The following THAP12 variants were observed in gnomAD, a reference collection of about 807,000 sequenced individuals.
The protein encoded by THAP12 is THAP domain containing 12, also known as 52 kDa repressor of the inhibitor of the protein kinase.
Under a neutral mutation model 63.0 loss-of-function variants are expected in THAP12, and 20 were observed. The observed-to-expected ratio is 0.32, with a 90% CI of 0.22 to 0.46. The LOEUF is 0.46. THAP12 is among the 20% of genes least tolerant of loss of function. THAP12 has a pLI of 1.00. For missense variants in THAP12, 568 were observed against 908.2 expected, an observed-to-expected ratio of 0.63 and a Z score of 4.81; for synonymous variants, 264 against 328.4, an observed-to-expected ratio of 0.80 and a Z score of 2.12.
Position 76,351,712 on chromosome 11 carries a change from T to C in THAP12, c.1438A>G (p.Ile480Val). 3 of 1,604,304 alleles carry C rather than the reference T, an allele frequency of 1.9e-6. No homozygotes were observed. The highest frequency in any genetic ancestry group is 2.6e-6 in the Non-Finnish European group (3 of 1,176,418). ...TTTTTAAGAACAACAATAGTAACAA[T>C]GAAATCAAAATCTGACACTGCACTG... ...LCSAVSDFDF[I>V]VTIVVLKNVL... is the part of the protein sequence containing the mutation. The change falls in exon 5 of 5, where the codon ATT becomes GTT. Residue 480 changes from isoleucine (I) to valine (V), a missense_variant. Ile to Val is a conservative substitution (Grantham distance 29, BLOSUM62 3). Transcript: ENST00000260045.
intron 4 of THAP12, among the ~76,000 whole-genome samples, chr11:76,355,191 G>A (rs1946552962): frequency 6.6e-6 from 1 of 152,242 alleles, no homozygotes; most frequent in Non-Finnish European, 1.5e-5. Flanking sequence ...AAAGGCTGTT[G>A]TGACCACTAC....
chr11:76,355,496 A>C, intron 4 of THAP12, 122 bp downstream of exon 4: 2 of 855,622 alleles, frequency 2.3e-6, no homozygotes, highest in Non-Finnish European at 1.7e-6. Flanking sequence ...GACAAAATTG[A>C]GCACACTCCT....
At chr11:76,365,204 C>A (rs529499410) in intron 2 of THAP12, among the ~76,000 whole-genome samples, 1 of 151,392 alleles carries the variant, frequency 6.6e-6, no homozygotes, top group Non-Finnish European at 1.5e-5. Flanking sequence ...ATCGCTTGAG[C>A]CCAGGAGGTG....
chr11:76,367,006 G>A (rs1946635764), intron 1 of THAP12, among the ~76,000 whole-genome samples: 1 of 151,902 alleles, frequency 6.6e-6, no homozygotes, highest in South Asian at 2.1e-4. Context: ...TCCCCCTTGT[G>A]CAGATGAAGG....
chr11:76,371,810 C>CTTTTTTT (rs71036086), intron 1 of THAP12, among the ~76,000 whole-genome samples: 7 of 65,758 alleles, frequency 1.1e-4, no homozygotes, highest in African/African-American at 4.2e-4. Context: ...TTTAACTTTT[C>CTTTTTTT]TTTTTTTTTT....
chr11:76,371,676 C>T (rs1232843928), intron 1 of THAP12, among the ~76,000 whole-genome samples: 2 of 151,792 alleles, frequency 1.3e-5, no homozygotes, highest in Non-Finnish European at 2.9e-5. Flanking sequence ...TGTACTGTCT[C>T]CTTAATCAAT....
At chr11:76,355,237 C>T (rs536093653) in intron 4 of THAP12, among the ~76,000 whole-genome samples, 6 of 152,310 alleles carry the variant, frequency 3.9e-5, no homozygotes, top group African/African-American at 1.4e-4. Context: ...AGCATTTAGT[C>T]CTTAAACATT....
At position 76,365,854 on chromosome 11, in the gene THAP12, T is replaced by C; in HGVS notation, c.208A>G (p.Thr70Ala). 1 of 1,612,136 alleles carries C rather than the reference T, an allele frequency of 6.2e-7. No homozygotes were observed. Residue 70 changes from threonine to alanine, a missense_variant and splice_region_variant, in exon 2 of 5, where the codon ACT becomes GCT. Thr to Ala is a moderately conservative substitution (Grantham distance 58). Transcript: ENST00000260045. ...CACCAAGCTCTTCTATTACTCACAG[T>C]TCTACAGATCATAGAGGTCTCAAAA... ...KHFETSMICR[T>A]SPYRTVLRDN...
chr11:76,367,054 G>C (rs772834593), intron 1 of THAP12, among the ~76,000 whole-genome samples: 9 of 151,654 alleles, frequency 5.9e-5, no homozygotes, highest in Non-Finnish European at 1.0e-4. Context: ...GTCACAACTA[G>C]ATCTTTCCTC....
intron 1 of THAP12, among the ~76,000 whole-genome samples, chr11:76,368,303 T>C (rs1250920760): frequency 6.6e-6 from 1 of 152,184 alleles, no homozygotes; most frequent in Non-Finnish European, 1.5e-5. Flanking sequence ...ATAATCTTTT[T>C]AAAGCAAACT....
intron 1 of THAP12, among the ~76,000 whole-genome samples, chr11:76,378,904 C>T (rs1015477493): frequency 1.3e-5 from 2 of 152,098 alleles, no homozygotes; most frequent in Non-Finnish European, 2.9e-5. Flanking sequence ...CCACCATGCC[C>T]GGCCTAGACA....
intron 1 of THAP12, among the ~76,000 whole-genome samples, chr11:76,370,963 C>G (rs1946670414): frequency 1.3e-5 from 2 of 151,322 alleles, no homozygotes; most frequent in African/African-American, 4.9e-5. Flanking sequence ...AAATTTTTAC[C>G]AATGCCTCCC....
intron 1 of THAP12, among the ~76,000 whole-genome samples, chr11:76,377,946 G>T (rs1465572874): frequency 6.6e-6 from 1 of 152,208 alleles, no homozygotes; most frequent in Non-Finnish European, 1.5e-5. Flanking sequence ...TTGCTGAATT[G>T]TAAGAGTTCT....
At chr11:76,361,262 A>G in intron 2 of THAP12, 199 bp from the exon 3 acceptor site, 1 of 468,330 alleles carries the variant, frequency 2.1e-6, no homozygotes, top group South Asian at 3.7e-5. Flanking sequence ...AATCTATTAT[A>G]AATTAAGAAA....
chr11:76,369,607 T>C (rs1385449788), intron 1 of THAP12, among the ~76,000 whole-genome samples: 1 of 152,192 alleles, frequency 6.6e-6, no homozygotes, highest in Non-Finnish European at 1.5e-5. Flanking sequence ...CAGCTCAATG[T>C]GCCTAGACTG....
At chr11:76,372,377 T>G (rs1946680602) in intron 1 of THAP12, among the ~76,000 whole-genome samples, 1 of 145,184 alleles carries the variant, frequency 6.9e-6, no homozygotes, top group Non-Finnish European at 1.5e-5. Flanking sequence ...AAAAGTGTAT[T>G]CCAAGGAATC....
intron 1 of THAP12, among the ~76,000 whole-genome samples, chr11:76,369,725 A>G (rs538843519): frequency 6.6e-5 from 10 of 152,138 alleles, no homozygotes; most frequent in East Asian, 1.9e-4. Context: ...CCCAGTAAAA[A>G]CCTCGGACAC....
At chr11:76,373,191 T>C (rs2618093) in intron 1 of THAP12, among the ~76,000 whole-genome samples, 145,775 of 151,798 alleles carry the variant, frequency 0.96, 70,046 homozygotes, top group East Asian at 1. Context: ...ACAAAAAATA[T>C]AAAAATTAGC....
intron 1 of THAP12, among the ~76,000 whole-genome samples, chr11:76,369,914 T>G (rs1462610122): frequency 6.6e-6 from 1 of 152,242 alleles, no homozygotes; most frequent in Non-Finnish European, 1.5e-5. Flanking sequence ...ATGTGTATCC[T>G]TACTACAATG....
Sources: allele counts gnomAD v4.1 joint callset (sites outside exome capture counted in the v4.1 genomes callset), GRCh38; gene constraint gnomAD v4.1.1; transcripts MANE v1.5; gene names NCBI Gene and HGNC (gene_info 2026-07-23, HGNC 2026-07-21).